Variants in COG4 observed in about 807,000 individuals in gnomAD.
The protein encoded by COG4 is component of oligomeric golgi complex 4, also known as conserved oligomeric Golgi complex subunit 4.
In COG4, 65 loss-of-function variants were observed where a neutral mutation model predicts 95.1. The ratio of observed to expected loss-of-function variants is 0.68; its 90% confidence interval spans 0.56 to 0.84. The LOEUF (loss-of-function observed/expected upper bound fraction) is 0.84. Ranked by LOEUF, COG4 falls within the 40% of genes least tolerant of loss-of-function variation. COG4 has a pLI of 0.00. For synonymous variants in COG4, 421 were observed against 374.8 expected, an observed-to-expected ratio of 1.12 and a Z score of -1.42; for missense variants, 1,045 against 989.1, an observed-to-expected ratio of 1.06 and a Z score of -0.76.
At position 70,523,483 on chromosome 16, in the gene COG4, A is replaced by T; in HGVS notation, c.61T>A (p.Ser21Thr). The T allele has an allele frequency of 1.2e-6, 2 of 1,613,890 alleles. No individual in the cohort carries two copies. The highest frequency in any genetic ancestry group is 2.2e-5 in the South Asian group (2 of 91,082). ...PPKLSGVQQPSEGVGGGRCSE... is the reference protein window; with the variant it reads ...PPKLSGVQQPTEGVGGGRCSE... ...CAGCGGCCACCTCCCACCCCCTCAG[A>T]CGGCTGCTGCACCCCTGACAGCTTC... The change falls in exon 1 of 19, where the codon TCT (serine) becomes ACT (threonine). Residue 21 changes from serine (S) to threonine (T), a missense_variant. Physicochemically the swap from Ser to Thr is moderately conservative, Grantham distance 58. Coordinates refer to ENST00000323786, the MANE Select transcript of COG4 (RefSeq NM_015386.3).
intron 12 of COG4, among the ~76,000 whole-genome samples, chr16:70,490,968 G>A (rs1366098466): frequency 6.6e-6 from 1 of 151,916 alleles, no homozygotes; most frequent in Non-Finnish European, 1.5e-5. Context: ...GAGGTTTCAG[G>A]TCTTCTTGTA....
intron 8 of COG4, 82 bp from the exon 9 acceptor site, chr16:70,501,173 T>C (rs1256833658): frequency 2.7e-6 from 4 of 1,506,356 alleles, no homozygotes; most frequent in Non-Finnish European, 2.7e-6. Context: ...GAGTCCCAAA[T>C]TCCCCCTCCC....
chr16:70,482,954 C>T (rs1464623680), intron 14 of COG4, 133 bp from the exon 15 acceptor site: 1 of 693,582 alleles, frequency 1.4e-6, no homozygotes, highest in Non-Finnish European at 2.6e-6. Context: ...TCCTTCTCTC[C>T]TCTCCCCATT....
At chr16:70,497,479 T>G (rs1330364187) in intron 10 of COG4, 92 bp from the exon 11 acceptor site, 3 of 1,215,532 alleles carry the variant, frequency 2.5e-6, no homozygotes, top group Non-Finnish European at 3.6e-6. Flanking sequence ...CTCTGCTCCC[T>G]TTTCTGTACC....
rs1488460602 is a variant in COG4, at chr16:70,497,343, G to A, written c.1359C>T (p.Ser453=). 6.2e-7 allele frequency: 1 copy of A among 1,613,984 alleles called. No individual in the cohort carries two copies. Among genetic ancestry groups the A allele is most frequent in the Non-Finnish European group, 8.5e-7 (1 of 1,180,022 alleles). The part of the protein sequence containing the change: ...DTYEKGQLTS[S]MVDDVFYIVK... ...CAATGTAGAAGACATCATCCACCATGCTGGATGTCAGCTGGCCCTTCTCAT... is the reference window on the plus strand; with the variant it reads ...CAATGTAGAAGACATCATCCACCATACTGGATGTCAGCTGGCCCTTCTCAT... The change falls in exon 11 of 19, where the codon AGC becomes AGT. Residue 453 remains serine, a synonymous_variant. Transcript: ENST00000323786.
At chr16:70,492,168 G>C (rs2151746026) in intron 12 of COG4, among the ~76,000 whole-genome samples, 1 of 152,292 alleles carries the variant, frequency 6.6e-6, no homozygotes, top group African/African-American at 2.4e-5. Flanking sequence ...GTGGCCACCT[G>C]GGGAGGGCAT....
chr16:70,519,861 AGACT>A, intron 1 of COG4, 130 bp from the exon 2 acceptor site: 1 of 725,618 alleles, frequency 1.4e-6, no homozygotes, highest in Non-Finnish European at 2.5e-6. Context: ...TGTTCTCCTT[AGACT>A]TTAACAATGC....
At chr16:70,506,632 T>G (rs1288927720) in intron 8 of COG4, among the ~76,000 whole-genome samples, 1 of 53,768 alleles carries the variant, frequency 1.9e-5, no homozygotes, top group Non-Finnish European at 3.6e-5. Context: ...AAAAAAAACA[T>G]TTAGCTGGGA....
intron 17 of COG4, 93 bp downstream of exon 17, chr16:70,481,671 G>T: frequency 7.4e-7 from 1 of 1,352,264 alleles, no homozygotes; most frequent in Non-Finnish European, 1.0e-6. Context: ...GTGGGCAGCA[G>T]ACAGAGGGGA....
At chr16:70,510,584 CAA>C (rs2049679988) in intron 5 of COG4, among the ~76,000 whole-genome samples, 1 of 152,186 alleles carries the variant, frequency 6.6e-6, no homozygotes, top group African/African-American at 2.4e-5. Flanking sequence ...CTCAGCATCC[CAA>C]AGTGTTGGAA....
In COG4 at chr16:70,523,405, C is replaced by T; in HGVS notation, c.139G>A (p.Glu47Lys). Residue 47 changes from glutamate to lysine, a missense_variant, in exon 1 of 19, where the codon GAG becomes AAG. Physicochemically the swap from Glu to Lys is moderately conservative, Grantham distance 56. Transcript: ENST00000323786. ...CCGCAGAGCCGTTCGTATACAGCCT[C>T]CAGCTCCTGCAGCTCTGTCAGGGAG... ...IRSLTELQEL[E>K]AVYERLCGEE... 6.2e-7 allele frequency: 1 copy of T among 1,614,190 alleles called. No homozygotes were observed. Among genetic ancestry groups the T allele is most frequent in the Non-Finnish European group, 8.5e-7 (1 of 1,180,036 alleles).
rs1445427214 is a variant in COG4 at position 70,496,443 on chromosome 16, G to C, written c.1482-12C>G. The C allele has an allele frequency of 8.1e-6, 13 of 1,613,946 alleles. No individual in the cohort carries two copies. Among genetic ancestry groups the C allele is most frequent in the Non-Finnish European group, 1.1e-5 (13 of 1,179,994 alleles). The stretch of plus-strand genomic sequence containing the variant: ...TACACAGAACATCCCTGGGGGGCAG[G>C]ATTGCATAGAGGAATTGACAGTGCT... On this transcript the variant is annotated splice_polypyrimidine_tract_variant and intron_variant, in intron 11 of 18. Transcript: ENST00000323786.
intron 12 of COG4, among the ~76,000 whole-genome samples, chr16:70,495,350 T>C (rs2049319133): frequency 6.9e-6 from 1 of 145,832 alleles, no homozygotes; most frequent in African/African-American, 2.6e-5. Context: ...TGAGCCAAGG[T>C]CATGCCATTG....
At chr16:70,513,474 C>T (rs566018912) in intron 4 of COG4, among the ~76,000 whole-genome samples, 4 of 152,256 alleles carry the variant, frequency 2.6e-5, no homozygotes, top group Non-Finnish European at 5.9e-5. Flanking sequence ...CTGAAACCAT[C>T]GACAGTACTG....
intron 16 of COG4, 111 bp from the exon 17 acceptor site, chr16:70,481,976 G>A: frequency 7.5e-7 from 1 of 1,338,404 alleles, no homozygotes; most frequent in African/African-American, 1.4e-5. Flanking sequence ...GTTTCTACAG[G>A]TGAGGGTTGG....
chr16:70,523,445 G>T lies in COG4; in HGVS notation c.99C>A (p.Ser33=), dbSNP rs1197178970. 3 of 1,613,984 alleles carry T rather than the reference G, an allele frequency of 1.9e-6. No individual in the cohort carries two copies. Among genetic ancestry groups the T allele is most frequent in the Non-Finnish European group, 2.5e-6 (3 of 1,180,030 alleles). ...GVGGGRCSEI[S]AELIRSLTEL... Reference sequence around the variant, plus strand: ...CTGTCAGGGAGCGAATGAGCTCAGCGGAGATTTCGGAGCAGCGGCCACCTC... The same window carrying T: ...CTGTCAGGGAGCGAATGAGCTCAGCTGAGATTTCGGAGCAGCGGCCACCTC... The change falls in exon 1 of 19, where the codon TCC becomes TCA. Residue 33 remains serine, a synonymous_variant. Transcript: ENST00000323786.
intron 8 of COG4, among the ~76,000 whole-genome samples, chr16:70,507,796 G>A (rs1234190771): frequency 6.6e-6 from 1 of 151,302 alleles, no homozygotes; most frequent in African/African-American, 2.4e-5. Context: ...TGGGAGGCAG[G>A]GGCTGTAGTG....
intron 4 of COG4, among the ~76,000 whole-genome samples, chr16:70,513,035 C>G (rs2151760792): frequency 6.6e-6 from 1 of 152,248 alleles, no homozygotes; most frequent in East Asian, 1.9e-4. Context: ...AAAAGGCTTC[C>G]TAGAGAAGGT....
chr16:70,491,625 C>A (rs2049244998), intron 12 of COG4, among the ~76,000 whole-genome samples: 1 of 149,496 alleles, frequency 6.7e-6, no homozygotes, highest in Non-Finnish European at 1.5e-5. Flanking sequence ...GAGTTTGAGA[C>A]CAGCCTGCCC....
Sources: allele counts gnomAD v4.1 joint callset (sites outside exome capture counted in the v4.1 genomes callset), GRCh38; gene constraint gnomAD v4.1.1; transcripts MANE v1.5; gene names NCBI Gene and HGNC (gene_info 2026-07-23, HGNC 2026-07-21).